The following PGCKA1 variants were observed in gnomAD, a reference collection of about 807,000 sequenced individuals.
PGCKA1 encodes the protein PDCD10 and GCKIII kinases associated 1.
chr4:37,552,900 C>G, the PGCKA1 span, among the ~76,000 whole-genome samples: 1 of 152,224 alleles, frequency 6.6e-6, no homozygotes, highest in East Asian at 1.9e-4. Context: ...TAGGCCATAT[C>G]CATCTTGTAA....
chr4:37,572,646 T>C, the PGCKA1 span, among the ~76,000 whole-genome samples: 1 of 152,224 alleles, frequency 6.6e-6, no homozygotes, highest in South Asian at 2.1e-4. Flanking sequence ...TGGATTTTTT[T>C]AAAATTTTGG....
At chr4:37,531,466 G>T in the PGCKA1 span, among the ~76,000 whole-genome samples, 1 of 152,104 alleles carries the variant, frequency 6.6e-6, no homozygotes, top group Non-Finnish European at 1.5e-5. Context: ...TGCCCTTCAA[G>T]CTCAGAACCC....
At chr4:37,483,551 G>A in the PGCKA1 span, among the ~76,000 whole-genome samples, 5 of 152,124 alleles carry the variant, frequency 3.3e-5, no homozygotes, top group East Asian at 1.9e-4. Context: ...TACATGCTAC[G>A]GCAAGATTTC....
the PGCKA1 span, among the ~76,000 whole-genome samples, chr4:37,474,665 A>G: frequency 1.3e-5 from 2 of 152,200 alleles, no homozygotes; most frequent in Non-Finnish European, 2.9e-5. Flanking sequence ...TGTACTAGGT[A>G]CTTTAGGTGA....
chr4:37,565,307 T>C, the PGCKA1 span, among the ~76,000 whole-genome samples: 1 of 152,182 alleles, frequency 6.6e-6, no homozygotes, highest in Non-Finnish European at 1.5e-5. Context: ...AACCTTCGCA[T>C]GGGGCCATAT....
chr4:37,539,459 C>T, the PGCKA1 span, among the ~76,000 whole-genome samples: 28 of 152,262 alleles, frequency 1.8e-4, no homozygotes, highest in African/African-American at 5.3e-4. Context: ...GAGTTTGAGA[C>T]CAGCCTGGCC....
At chr4:37,469,731 T>C in the PGCKA1 span, among the ~76,000 whole-genome samples, 2 of 152,214 alleles carry the variant, frequency 1.3e-5, no homozygotes, top group South Asian at 2.1e-4. Context: ...ATCGGACTTA[T>C]ATTATTCTTG....
the PGCKA1 span, among the ~76,000 whole-genome samples, chr4:37,487,404 A>C: frequency 3.3e-5 from 5 of 152,206 alleles, no homozygotes; most frequent in Non-Finnish European, 5.9e-5. Context: ...ATTTCAGAGC[A>C]AGTTGCAAAC....
chr4:37,469,212 A>G, the PGCKA1 span, among the ~76,000 whole-genome samples: 1 of 152,206 alleles, frequency 6.6e-6, no homozygotes, highest in East Asian at 1.9e-4. Flanking sequence ...TGTTTGCACA[A>G]AAACAAAATC....
the PGCKA1 span, among the ~76,000 whole-genome samples, chr4:37,539,714 C>A: frequency 6.6e-6 from 1 of 152,180 alleles, no homozygotes; most frequent in Non-Finnish European, 1.5e-5. Flanking sequence ...CTTCTTCAGC[C>A]TCTCGGACCT....
At chr4:37,572,453 T>C in the PGCKA1 span, among the ~76,000 whole-genome samples, 1 of 152,360 alleles carries the variant, frequency 6.6e-6, no homozygotes. Context: ...ATAAATCCTC[T>C]ACCCAGAGTC....
At chr4:37,478,819 T>C in the PGCKA1 span, among the ~76,000 whole-genome samples, 4 of 152,242 alleles carry the variant, frequency 2.6e-5, no homozygotes, top group African/African-American at 9.6e-5. Context: ...TTATCAATGA[T>C]TATTTTTTCA....
chr4:37,490,476 C>T, the PGCKA1 span, among the ~76,000 whole-genome samples: 2 of 152,086 alleles, frequency 1.3e-5, no homozygotes, highest in East Asian at 1.9e-4. Context: ...TTAATGCAAA[C>T]GTCTACCCGC....
At chr4:37,486,657 G>T in the PGCKA1 span, among the ~76,000 whole-genome samples, 1 of 152,134 alleles carries the variant, frequency 6.6e-6, no homozygotes, top group Non-Finnish European at 1.5e-5. Context: ...AAAGGAGGAA[G>T]GAATAAGCTT....
At chr4:37,476,284 C>G in the PGCKA1 span, among the ~76,000 whole-genome samples, 1 of 152,076 alleles carries the variant, frequency 6.6e-6, no homozygotes, top group Non-Finnish European at 1.5e-5. Flanking sequence ...ATAACTTACC[C>G]AAAGCAGTGA....
the PGCKA1 span, among the ~76,000 whole-genome samples, chr4:37,492,876 T>C: frequency 1.3e-5 from 2 of 152,094 alleles, no homozygotes; most frequent in African/African-American, 4.8e-5. The surrounding 1 kb of genome is among the most constrained non-coding windows in gnomAD (Gnocchi z 4.7). Context: ...TCCTAGTGCC[T>C]TTTGAAGACC....
chr4:37,568,225 C>T, the PGCKA1 span, among the ~76,000 whole-genome samples: 2 of 152,196 alleles, frequency 1.3e-5, no homozygotes, highest in Admixed American at 1.3e-4. Context: ...CCACCTGTCA[C>T]TGAGAAACAC....
At chr4:37,572,007 G>A in the PGCKA1 span, among the ~76,000 whole-genome samples, 3 of 148,912 alleles carry the variant, frequency 2.0e-5, no homozygotes, top group Non-Finnish European at 3.0e-5. Context: ...GGCAGAGTAA[G>A]AACTGACCTT....
chr4:37,478,419 G>A, the PGCKA1 span, among the ~76,000 whole-genome samples: 1 of 152,022 alleles, frequency 6.6e-6, no homozygotes, highest in South Asian at 2.1e-4. Context: ...TGTGACAAGT[G>A]AATATAGTAG....
Sources: allele counts gnomAD v4.1 joint callset (sites outside exome capture counted in the v4.1 genomes callset), GRCh38; gene constraint gnomAD v4.1.1; non-coding constraint Gnocchi (gnomAD v3.1); transcripts MANE v1.5; gene names NCBI Gene and HGNC (gene_info 2026-07-23, HGNC 2026-07-21).